LRRIQ1: variants seen among roughly 807,000 people sequenced by gnomAD.
The protein encoded by LRRIQ1 is leucine-rich repeat- and IQ domain-containing protein 1.
A neutral mutation model predicts 211.9 loss-of-function variants in LRRIQ1; 210 were observed. The observed-to-expected ratio is 0.99, with a 90% CI of 0.89 to 1.11. The LOEUF (loss-of-function observed/expected upper bound fraction) is 1.11. LRRIQ1 is among the 50% of genes most tolerant of loss of function. The pLI, the probability that LRRIQ1 is intolerant of heterozygous loss-of-function variation, is 0.00. For missense variants in LRRIQ1, 2,136 were observed against 1,939.5 expected, an observed-to-expected ratio of 1.10 and a Z score of -1.90; for synonymous variants, 699 against 650.1, an observed-to-expected ratio of 1.08 and a Z score of -1.14.
At position 85,102,951 on chromosome 12, in the gene LRRIQ1, A is replaced by ATATATATATATATATATATAT. The variant is rs1565834052; in HGVS notation, c.3210-1053_3210-1052insTATATATATATATATATATAT. On this transcript the variant is annotated intron_variant, in intron 13 of 26. Transcript: ENST00000393217. The stretch of plus-strand genomic sequence containing the variant: ...AGGCTTTTCTAATTGTGGCAAAAAA[A>ATATATATATATATATATATAT]AAAAAAAAATATATATATATATATA... Among the ~76,000 whole-genome samples, 16 of 116,790 alleles carry ATATATATATATATATATATAT rather than the reference A, an allele frequency of 1.4e-4. 2 individuals carry two copies. The East Asian group carries it at 2.1e-3, about 15-fold the overall frequency. 76.6% of individuals were successfully genotyped at this position (116,790 alleles called of 152,430 possible).
At position 85,038,225 on chromosome 12, in the gene LRRIQ1, G is replaced by C; in HGVS notation, c.49G>C (p.Asp17His). The C allele has an allele frequency of 1.3e-6, 2 of 1,585,428 alleles. No homozygotes were observed. The highest frequency in any genetic ancestry group is 1.7e-6 in the Non-Finnish European group (2 of 1,164,158). Residue 17 changes from aspartate to histidine, a missense_variant, in exon 2 of 27, where the codon GAT becomes CAT. Transcript: ENST00000393217. ...KLKAEIEAELDKLSISSLEKE... is the reference protein window; with the variant it reads ...KLKAEIEAELHKLSISSLEKE... The stretch of plus-strand genomic sequence containing the variant: ...CAAAGCAGAAATAGAAGCTGAATTG[G>C]ATAAACTCAGCATTTCCTCCTTGGA...
chr12:85,135,811 A>G (rs1263153569), intron 18 of LRRIQ1, among the ~76,000 whole-genome samples: 1 of 117,038 alleles, frequency 8.5e-6, no homozygotes, highest in Non-Finnish European at 1.9e-5. Flanking sequence ...TTCATTTGAC[A>G]TACATTTTGC....
intron 2 of LRRIQ1, among the ~76,000 whole-genome samples, chr12:85,039,987 G>T (rs754544234): frequency 7.9e-5 from 12 of 151,524 alleles, no homozygotes; most frequent in African/African-American, 2.4e-4. Context: ...TACAAATCGA[G>T]TTACATAGGC....
rs765053032 is a variant in LRRIQ1 at position 85,121,852 on chromosome 12, T to A, written c.3533T>A (p.Ile1178Asn). The change falls in exon 16 of 27, where the codon ATT becomes AAT. Residue 1178 changes from isoleucine (I) to asparagine (N), a missense_variant. Coordinates refer to ENST00000393217, the MANE Select transcript of LRRIQ1 (RefSeq NM_001079910.2). ...QSQIREFNLL[I>N]ENYITGKGDV... ...CAGATTCGAGAATTCAACTTGCTAATTGAAAATTATATAACTGGAAAAGGG... is the reference window on the plus strand; with the variant it reads ...CAGATTCGAGAATTCAACTTGCTAAATGAAAATTATATAACTGGAAAAGGG... 1.2e-6 allele frequency: 2 copies of A among 1,606,828 alleles called. No individual in the cohort carries two copies. Among genetic ancestry groups the A allele is most frequent in the East Asian group, 4.5e-5 (2 of 44,650 alleles).
chr12:85,240,263 C>A (rs1593014118), intron 26 of LRRIQ1, among the ~76,000 whole-genome samples: 1 of 152,024 alleles, frequency 6.6e-6, no homozygotes, highest in Non-Finnish European at 1.5e-5. Context: ...TATATAATAC[C>A]ACTCTACCCC....
chr12:85,157,330 C>T (rs778235119), intron 23 of LRRIQ1, among the ~76,000 whole-genome samples: 16 of 151,738 alleles, frequency 1.1e-4, no homozygotes, highest in African/African-American at 3.6e-4. Context: ...GAAAGCTACA[C>T]GGTAAAATCT....
intron 24 of LRRIQ1, among the ~76,000 whole-genome samples, chr12:85,202,793 C>G (rs1262068918): frequency 1.3e-5 from 2 of 152,152 alleles, no homozygotes; most frequent in African/African-American, 4.8e-5. Flanking sequence ...TTCTAGGTTA[C>G]TATTGATATG....
At chr12:85,036,545 A>C (rs1878102004) in intron 1 of LRRIQ1, 138 bp downstream of exon 1, 1 of 151,910 alleles carries the variant, frequency 6.6e-6, no homozygotes, top group Admixed American at 6.6e-5. Flanking sequence ...TGGCTGTGCG[A>C]CTCTGCGAAG....
chr12:85,243,908 C>A (rs1323096686), intron 26 of LRRIQ1, among the ~76,000 whole-genome samples: 1 of 151,304 alleles, frequency 6.6e-6, no homozygotes, highest in East Asian at 1.9e-4. Flanking sequence ...TGGTTTTATG[C>A]TTTTATTTTG....
intron 19 of LRRIQ1, among the ~76,000 whole-genome samples, chr12:85,142,596 C>A (rs1426733184): frequency 1.3e-5 from 2 of 151,356 alleles, no homozygotes; most frequent in Non-Finnish European, 3.0e-5. Context: ...ATGCTGTGAC[C>A]AAGATCTCCT....
intron 24 of LRRIQ1, among the ~76,000 whole-genome samples, chr12:85,196,344 A>G (rs1017098606): frequency 6.6e-6 from 1 of 152,172 alleles, no homozygotes; most frequent in Non-Finnish European, 1.5e-5. Context: ...TTGATATGGA[A>G]TCAAAAAAGA....
chr12:85,140,820 A>G (rs2136576899), intron 19 of LRRIQ1, among the ~76,000 whole-genome samples: 1 of 151,342 alleles, frequency 6.6e-6, no homozygotes, highest in East Asian at 1.9e-4. Flanking sequence ...AATGATGATG[A>G]TGGTGACTTT....
At chr12:85,043,246 G>T (rs549939586) in intron 3 of LRRIQ1, among the ~76,000 whole-genome samples, 2 of 152,138 alleles carry the variant, frequency 1.3e-5, no homozygotes, top group South Asian at 2.1e-4. Context: ...GTTCTTGCTT[G>T]GGTTTTTCAT....
intron 8 of LRRIQ1, among the ~76,000 whole-genome samples, chr12:85,059,793 C>T (rs1364409284): frequency 6.6e-6 from 1 of 151,700 alleles, no homozygotes; most frequent in East Asian, 1.9e-4. Flanking sequence ...ACGTGTATAC[C>T]TATATAACAA....
chr12:85,131,752 G>T (rs1888781101), intron 18 of LRRIQ1, among the ~76,000 whole-genome samples: 1 of 152,094 alleles, frequency 6.6e-6, no homozygotes, highest in Admixed American at 6.6e-5. Context: ...AAGAGTTGAT[G>T]ATAGTTGGAG....
chr12:85,066,465 T>C lies in LRRIQ1; in HGVS notation c.2545-283T>C, dbSNP rs145642015. ...GATGAGAGAGACAAGAATGACAATA[T>C]ATTAACTTTTTAAAATTTATATTGT... On this transcript the variant is annotated intron_variant, in intron 9 of 26. Coordinates refer to ENST00000393217, the MANE Select transcript of LRRIQ1 (RefSeq NM_001079910.2). 8.6e-5 allele frequency among the ~76,000 whole-genome samples: 13 copies of C among 151,986 alleles called. No homozygotes were observed. The East Asian group carries it at 2.3e-3, about 27-fold the overall frequency.
intron 1 of LRRIQ1, among the ~76,000 whole-genome samples, chr12:85,253,136 G>A (rs1028022312): frequency 3.3e-5 from 5 of 151,980 alleles, no homozygotes; most frequent in Non-Finnish European, 5.9e-5. Flanking sequence ...ACTGTGTAAT[G>A]AATTGCAGCA....
At chr12:85,263,347 G>A (rs1565934148) in exon 2 of LRRIQ1, 1 of 152,080 alleles carries the variant, frequency 6.6e-6, no homozygotes, top group East Asian at 1.9e-4. Context: ...TATGACACAT[G>A]TATTCCAGAT....
At chr12:85,183,966 A>G (rs962430021) in intron 24 of LRRIQ1, among the ~76,000 whole-genome samples, 1 of 152,096 alleles carries the variant, frequency 6.6e-6, no homozygotes, top group Non-Finnish European at 1.5e-5. Context: ...TTTAAACAGT[A>G]TAAAAGTCAA....
Sources: allele counts gnomAD v4.1 joint callset (sites outside exome capture counted in the v4.1 genomes callset), GRCh38; gene constraint gnomAD v4.1.1; transcripts MANE v1.5; gene names NCBI Gene and HGNC (gene_info 2026-07-23, HGNC 2026-07-21).